Variants in FAM135B observed in about 807,000 individuals in gnomAD.
The protein encoded by FAM135B is protein FAM135B.
A neutral mutation model predicts 127.7 loss-of-function variants in FAM135B; 43 were observed. That is an observed-to-expected ratio of 0.34 (90% CI 0.26 to 0.43). The LOEUF (loss-of-function observed/expected upper bound fraction) is 0.43, where lower values mean the gene tolerates loss of function less well. Ranked by LOEUF, FAM135B falls within the 20% of genes least tolerant of loss-of-function variation. The probability of loss-of-function intolerance (pLI) is 1.00; values close to 1 mark genes in which losing one functional copy is unlikely to be tolerated. For synonymous variants in FAM135B, 670 were observed against 665.1 expected (o/e 1.01, Z -0.11); for missense variants, 1,558 against 1,725.6 (o/e 0.90, Z 1.72).
chr8:138,306,019 G>A (rs1208877966), intron 3 of FAM135B, among the ~76,000 whole-genome samples: 1 of 152,104 alleles, frequency 6.6e-6, no homozygotes, highest in East Asian at 1.9e-4. Flanking sequence ...TGAGTACTGA[G>A]ACACACAATG....
Position 138,197,505 on chromosome 8 carries a change from T to C in FAM135B, c.823+11A>G. On this transcript the variant is annotated intron_variant, in intron 8 of 19. Coordinates refer to ENST00000395297, the MANE Select transcript of FAM135B (RefSeq NM_015912.4). ...TGCTGGGATGGGCTTGCCCCTGTCC[T>C]GGGCCCTTACCCAGCTCCGTGTGTG... 5.6e-6 allele frequency: 9 copies of C among 1,613,330 alleles called. No individual in the cohort carries two copies. Among genetic ancestry groups the C allele is most frequent in the Non-Finnish European group, 7.6e-6 (9 of 1,179,366 alleles).
In FAM135B at chr8:138,442,234, CACCATATATATATA is replaced by C. The variant is rs1471140481; in HGVS notation, c.-20+54423_-20+54436del. On this transcript the variant is annotated intron_variant, in intron 1 of 19. Coordinates refer to ENST00000395297, the MANE Select transcript of FAM135B (RefSeq NM_015912.4). ...AAAAATTTAACGTGAAGAATATGGA[CACCATATATATATA>C]TATATATATATATATATATATATAT... 7.3e-4 allele frequency among the ~76,000 whole-genome samples: 9 copies of C among 12,304 alleles called. 1 individual carries two copies. The highest frequency in any genetic ancestry group is 1.2e-3 in the Admixed American group (1 of 818). The allele number at this position is 12,304 out of a possible 152,430, so 8.1% of individuals were successfully genotyped here. A position where few individuals can be genotyped will look rare whatever the true frequency, so the allele number is the denominator to read the frequency against.
chr8:138,229,654 T>C (rs542052121), intron 7 of FAM135B, among the ~76,000 whole-genome samples: 1 of 152,268 alleles, frequency 6.6e-6, no homozygotes, highest in East Asian at 1.9e-4. Flanking sequence ...ACCTTCTGTA[T>C]TAGTCTGTTC....
rs1817350925 is a variant in FAM135B at position 138,143,103 on chromosome 8, T to A, written c.3547A>T (p.Thr1183Ser). The change falls in exon 16 of 20, where the codon ACA (threonine) becomes TCA (serine). Residue 1183 changes from threonine to serine, a missense_variant. By Grantham distance (58) the Thr-to-Ser change is moderately conservative. Coordinates refer to ENST00000395297, the MANE Select transcript of FAM135B (RefSeq NM_015912.4). ...FLMSEKNQMD[T>S]FADFDTMTDR... ...GTCATAGTATCAAAATCTGCAAATG[T>A]GTCCATCTGGAAGAAGAGAGAGGAA... is the stretch of plus-strand genomic sequence containing the variant. 6.3e-7 allele frequency: 1 copy of A among 1,589,134 alleles called. No homozygotes were observed.
chr8:138,234,773 G>T (rs6577897), intron 7 of FAM135B, among the ~76,000 whole-genome samples: 57,443 of 152,054 alleles, frequency 0.38, 11,176 homozygotes, highest in African/African-American at 0.41. Flanking sequence ...AAAGCCTGGG[G>T]CCAGAGAGGA....
At chr8:138,230,063 G>A (rs564845988) in intron 7 of FAM135B, among the ~76,000 whole-genome samples, 56 of 152,266 alleles carry the variant, frequency 3.7e-4, no homozygotes, top group Non-Finnish European at 7.3e-4. Context: ...ATTTTTCAGG[G>A]ATGAGATATG....
At chr8:138,220,523 A>G (rs899249843) in intron 7 of FAM135B, among the ~76,000 whole-genome samples, 4 of 152,288 alleles carry the variant, frequency 2.6e-5, no homozygotes, top group Middle Eastern at 3.4e-3. Context: ...TAAAAATGAG[A>G]TTATTAATGA....
chr8:138,317,969 C>G (rs1827208803), intron 2 of FAM135B, among the ~76,000 whole-genome samples: 1 of 152,188 alleles, frequency 6.6e-6, no homozygotes, highest in Non-Finnish European at 1.5e-5. Flanking sequence ...GTTGCTAGAT[C>G]TTTCAGTTTT....
chr8:138,276,049 T>C (rs929002296), intron 3 of FAM135B, among the ~76,000 whole-genome samples: 7 of 152,146 alleles, frequency 4.6e-5, no homozygotes, highest in African/African-American at 1.4e-4. Flanking sequence ...AGAGTCCACA[T>C]CGATCCAGGT....
intron 7 of FAM135B, among the ~76,000 whole-genome samples, chr8:138,227,324 T>C (rs1024052337): frequency 6.6e-6 from 1 of 152,162 alleles, no homozygotes. Context: ...AATAATTAAA[T>C]ACAAAATGAA....
chr8:138,211,564 G>A (rs1010953061), intron 7 of FAM135B, among the ~76,000 whole-genome samples: 3 of 152,180 alleles, frequency 2.0e-5, no homozygotes, highest in Non-Finnish European at 4.4e-5. Context: ...TTAAACATAT[G>A]GCCATGCTGA....
chr8:138,284,414 G>A (rs1824513029), intron 3 of FAM135B, among the ~76,000 whole-genome samples: 2 of 152,078 alleles, frequency 1.3e-5, no homozygotes, highest in Admixed American at 1.3e-4. Context: ...TATGCAAAAT[G>A]GATCAAGTTG....
intron 12 of FAM135B, among the ~76,000 whole-genome samples, chr8:138,162,904 G>A (rs1238028823): frequency 6.6e-6 from 1 of 152,116 alleles, no homozygotes; most frequent in African/African-American, 2.4e-5. Context: ...ACAGGTCATA[G>A]ATTCTTGGAA....
rs796136103 is a variant in FAM135B at position 138,206,284 on chromosome 8, C to T, written c.670-8615G>A. Reference sequence around the variant, plus strand: ...ACAGCTCTATCATCCCCTCCACCTACGCACAGCTCTATCATCCCCTCCACC... The same window carrying T: ...ACAGCTCTATCATCCCCTCCACCTATGCACAGCTCTATCATCCCCTCCACC... On this transcript the variant is annotated intron_variant, in intron 7 of 19. Coordinates refer to ENST00000395297, the MANE Select transcript of FAM135B (RefSeq NM_015912.4). 2.9e-3 allele frequency among the ~76,000 whole-genome samples: 167 copies of T among 57,780 alleles called. 2 individuals are homozygous for T. Among genetic ancestry groups the T allele is most frequent in the African/African-American group, 9.8e-3 (156 of 15,874 alleles). The allele number at this position is 57,780 out of a possible 152,430, so 37.9% of individuals were successfully genotyped here. A position where few individuals can be genotyped will look rare whatever the true frequency, so the allele number is the denominator to read the frequency against.
At chr8:138,415,715 T>C (rs932794361) in intron 1 of FAM135B, among the ~76,000 whole-genome samples, 3 of 152,306 alleles carry the variant, frequency 2.0e-5, no homozygotes, top group Admixed American at 1.3e-4. Flanking sequence ...AGTTAATTAG[T>C]GTGAAGAGCT....
chr8:138,194,417 A>C (rs896266423), intron 9 of FAM135B, among the ~76,000 whole-genome samples: 7 of 152,210 alleles, frequency 4.6e-5, no homozygotes, highest in African/African-American at 1.7e-4. Flanking sequence ...CTGGCTGCAC[A>C]TAATATTCAT....
chr8:138,485,875 G>C (rs997933274), intron 1 of FAM135B, among the ~76,000 whole-genome samples: 1 of 152,124 alleles, frequency 6.6e-6, no homozygotes, highest in Non-Finnish European at 1.5e-5. Flanking sequence ...AGATCATCTG[G>C]AATGCAAAAC....
rs370197038 is a variant in FAM135B at position 138,168,007 on chromosome 8, C to T, written c.1146G>A (p.Ser382=). 2.0e-5 allele frequency: 32 copies of T among 1,613,698 alleles called. No homozygotes were observed. The highest frequency in any genetic ancestry group is 1.6e-4 in the Middle Eastern group (1 of 6,084). The change falls in exon 12 of 20, where the codon TCG becomes TCA. Residue 382 remains serine, a synonymous_variant. Coordinates refer to ENST00000395297, the MANE Select transcript of FAM135B (RefSeq NM_015912.4). ...HSQLSLDIRN[S]EYLTSMPPLP... The stretch of plus-strand genomic sequence containing the variant: ...GCGGGGGCATGCTAGTGAGGTACTC[C>T]GAGTTCCGGATATCCAGGGACAGCT...
At chr8:138,179,361 G>C (rs888558280) in intron 9 of FAM135B, among the ~76,000 whole-genome samples, 1 of 152,170 alleles carries the variant, frequency 6.6e-6, no homozygotes, top group African/African-American at 2.4e-5. Context: ...TATCTCCTAT[G>C]TGTAAGGTAG....
Sources: gnomAD v4.1 joint callset for allele counts (sites outside exome capture counted in the v4.1 genomes callset) on GRCh38, gnomAD v4.1.1 for gene constraint, MANE v1.5 for transcripts, NCBI Gene and HGNC (gene_info 2026-07-23, HGNC 2026-07-21) for gene names.